Variants in ATXN10 observed in about 807,000 individuals in gnomAD.
The protein encoded by ATXN10 is ataxin 10.
ATXN10 carries 28 observed loss-of-function variants against 52.9 expected under a neutral mutation model. That is an observed-to-expected ratio of 0.53 (90% CI 0.39 to 0.73). The LOEUF is 0.73. Ranked by LOEUF, ATXN10 falls within the 30% of genes least tolerant of loss-of-function variation. The pLI, the probability that ATXN10 is intolerant of heterozygous loss-of-function variation, is 0.00. For missense variants in ATXN10, 565 were observed against 577.0 expected, an observed-to-expected ratio of 0.98 and a Z score of 0.21; for synonymous variants, 226 against 221.5, an observed-to-expected ratio of 1.02 and a Z score of -0.18.
At position 45,672,094 on chromosome 22, in the gene ATXN10, C is replaced by A. The variant is rs551371726; in HGVS notation, c.31C>A (p.Leu11Met). 2.2e-5 allele frequency: 34 copies of A among 1,539,138 alleles called. No homozygotes were observed. The African/African-American group carries it at 4.7e-4, about 21-fold the overall frequency. The change falls in exon 1 of 12, where the codon CTG (leucine) becomes ATG (methionine). Residue 11 changes from leucine (L) to methionine (M), a missense_variant. Leu to Met is a conservative substitution (Grantham distance 15). Coordinates refer to ENST00000252934, the MANE Select transcript of ATXN10 (RefSeq NM_013236.4). ...GGCGCCCAGGCCGCCGCCTGCCAGG[C>A]TGTCGGGCGTCATGGTGCCGGCGCC... Reference protein sequence around the residue: MAAPRPPPARLSGVMVPAPIQ... With the variant: MAAPRPPPARMSGVMVPAPIQ...
chr22:45,779,415 A>C (rs1039717764), intron 9 of ATXN10, among the ~76,000 whole-genome samples: 3 of 152,222 alleles, frequency 2.0e-5, no homozygotes, highest in African/African-American at 7.2e-5. Flanking sequence ...ATAATTCAGA[A>C]GACTAAAGAC....
intron 5 of ATXN10, among the ~76,000 whole-genome samples, chr22:45,714,588 C>T (rs962410955): frequency 2.0e-5 from 3 of 152,028 alleles, no homozygotes; most frequent in African/African-American, 7.2e-5. Context: ...CACTATGTTG[C>T]CCAGGCTGGT....
chr22:45,691,070 G>A (rs562718787), intron 2 of ATXN10, among the ~76,000 whole-genome samples: 150 of 152,284 alleles, frequency 9.9e-4, no homozygotes, highest in Middle Eastern at 3.4e-3. Flanking sequence ...AAAGTGAGTC[G>A]TGTAACTTCA....
intron 9 of ATXN10, among the ~76,000 whole-genome samples, chr22:45,778,350 CT>C (rs776670006): frequency 3.8e-4 from 58 of 152,288 alleles, no homozygotes; most frequent in Non-Finnish European, 7.1e-4. Context: ...TGAACGAATA[CT>C]GGCCTTTATG....
chr22:45,760,818 T>A (rs1232514001), intron 9 of ATXN10, among the ~76,000 whole-genome samples: 7 of 151,926 alleles, frequency 4.6e-5, no homozygotes. Context: ...CCTCTTAGAT[T>A]TTTGTGGATT....
At position 45,696,532 on chromosome 22, in the gene ATXN10, C is replaced by T. The variant is rs747910515; in HGVS notation, c.391+3454C>T. 7.9e-5 allele frequency among the ~76,000 whole-genome samples: 12 copies of T among 152,216 alleles called. No individual in the cohort carries two copies. The highest frequency in any genetic ancestry group is 1.6e-4 in the Non-Finnish European group (11 of 68,040). Reference sequence around the variant, plus strand: ...CCCTCCACCATGTGCTGGATTTCATCGCCACTTGCCCACGCAGAAGCTTTT... The same window carrying T: ...CCCTCCACCATGTGCTGGATTTCATTGCCACTTGCCCACGCAGAAGCTTTT... On this transcript the variant is annotated intron_variant, in intron 3 of 11. Transcript: ENST00000252934. The surrounding 1 kb of genome is among the most constrained non-coding windows in gnomAD (Gnocchi z 4.7).
At position 45,799,215 on chromosome 22, in the gene ATXN10, C is replaced by T. The variant is rs140079300; in HGVS notation, c.1174-7744C>T. 9.7e-3 allele frequency among the ~76,000 whole-genome samples: 1,476 copies of T among 152,048 alleles called. 10 individuals carry two copies. Among genetic ancestry groups the T allele is most frequent in the African/African-American group, 0.026 (1,093 of 41,458 alleles). ...CCTCCCGAGTAGTTGGGATTACAGG[C>T]GCCTGCCACCACGCCCGTCCCAGGA... On this transcript the variant is annotated intron_variant, in intron 9 of 11. Transcript: ENST00000252934.
Position 45,828,532 on chromosome 22 carries a change from A to T in ATXN10, c.1238-14459A>T, listed in dbSNP as rs1016965949. On this transcript the variant is annotated intron_variant, in intron 10 of 11. Transcript: ENST00000252934. This position sits in a 1 kb window ranked among gnomAD's most constrained non-coding sequence, Gnocchi z 4.5. ...TTTTAGCTAGGTGGACTAAGGTAAAAAGACTCAAATTATCAGAAATGAAAG... is the reference window on the plus strand; with the variant it reads ...TTTTAGCTAGGTGGACTAAGGTAAATAGACTCAAATTATCAGAAATGAAAG... Among the ~76,000 whole-genome samples the T allele has an allele frequency of 6.6e-6, 1 of 152,162 alleles. No individual in the cohort carries two copies. Among genetic ancestry groups the T allele is most frequent in the Non-Finnish European group, 1.5e-5 (1 of 68,030 alleles).
intron 5 of ATXN10, among the ~76,000 whole-genome samples, chr22:45,714,801 C>G (rs1190301632): frequency 1.3e-5 from 2 of 152,144 alleles, no homozygotes; most frequent in Admixed American, 6.5e-5. Flanking sequence ...TCTACCAAGG[C>G]TTTCTTCTAG....
At chr22:45,740,231 A>G (rs1925456694) in intron 8 of ATXN10, 138 bp from the exon 9 acceptor site, 1 of 801,946 alleles carries the variant, frequency 1.2e-6, no homozygotes, top group Non-Finnish European at 2.0e-6. Context: ...GAGCCTTGTA[A>G]TCATTATTTA....
chr22:45,691,982 T>C (rs752419892), intron 2 of ATXN10, among the ~76,000 whole-genome samples: 14 of 152,202 alleles, frequency 9.2e-5, no homozygotes, highest in Non-Finnish European at 1.5e-4. Context: ...CCTGGACAGG[T>C]GACTTGGTCT....
Position 45,781,308 on chromosome 22 carries a change from C to G in ATXN10, c.1174-25651C>G, listed in dbSNP as rs976515706. On this transcript the variant is annotated intron_variant, in intron 9 of 11. Transcript: ENST00000252934. The surrounding 1 kb of genome is among the most constrained non-coding windows in gnomAD (Gnocchi z 4.2). Reference sequence around the variant, plus strand: ...GGCAGTAATGAGGCATCCCCCAACCCCTGCCCAGCTGTACTGTCAGCAGAG... The same window carrying G: ...GGCAGTAATGAGGCATCCCCCAACCGCTGCCCAGCTGTACTGTCAGCAGAG... 6.6e-6 allele frequency among the ~76,000 whole-genome samples: 1 copy of G among 152,052 alleles called. No individual in the cohort carries two copies. Among genetic ancestry groups the G allele is most frequent in the Non-Finnish European group, 1.5e-5 (1 of 68,006 alleles).
At chr22:45,673,263 C>T (rs1173063045) in intron 1 of ATXN10, 2 of 152,214 alleles carry the variant, frequency 1.3e-5, no homozygotes, top group Non-Finnish European at 2.9e-5. Flanking sequence ...TACAAGATAA[C>T]ACAGCTGTGG....
rs968922235 is a variant in ATXN10 at position 45,732,030 on chromosome 22, TA to T, written c.894+2444del. On this transcript the variant is annotated intron_variant, in intron 7 of 11. Coordinates refer to ENST00000252934, the MANE Select transcript of ATXN10 (RefSeq NM_013236.4). The surrounding 1 kb of genome is among the most constrained non-coding windows in gnomAD (Gnocchi z 4.5). ...TTAAACTTTTCAGGGCACTTCTGTT[TA>T]AAATATAGGTGATTTCAGTATTGTA... Among the ~76,000 whole-genome samples, 4 of 152,230 alleles carry T rather than the reference TA, an allele frequency of 2.6e-5. No homozygotes were observed. Among genetic ancestry groups the T allele is most frequent in the Admixed American group, 2.6e-4 (4 of 15,284 alleles).
In ATXN10 at chr22:45,825,373, T is replaced by A. The variant is rs1422052462; in HGVS notation, c.1238-17618T>A. ...GAACCAGGCATTAAATACTAGGACA[T>A]TGAAAAATAACTGTATATACAGGGA... is the stretch of plus-strand genomic sequence containing the variant. On this transcript the variant is annotated intron_variant, in intron 10 of 11. Coordinates refer to ENST00000252934, the MANE Select transcript of ATXN10 (RefSeq NM_013236.4). The surrounding 1 kb of genome is among the most constrained non-coding windows in gnomAD (Gnocchi z 4.5). Among the ~76,000 whole-genome samples, 3 of 152,214 alleles carry A rather than the reference T, an allele frequency of 2.0e-5. No individual in the cohort carries two copies. The highest frequency in any genetic ancestry group is 2.1e-4 in the South Asian group (1 of 4,820).
chr22:45,764,247 C>T (rs376878745), intron 9 of ATXN10, among the ~76,000 whole-genome samples: 6 of 152,130 alleles, frequency 3.9e-5, no homozygotes, highest in East Asian at 3.9e-4. Context: ...CCCCCACCCC[C>T]ACTCCCACTC....
Position 45,841,251 on chromosome 22 carries a change from T to C in ATXN10, c.1238-1740T>C, listed in dbSNP as rs889357249. Among the ~76,000 whole-genome samples the C allele has an allele frequency of 2.0e-4, 30 of 152,216 alleles. No individual in the cohort carries two copies. The highest frequency in any genetic ancestry group is 2.0e-3 in the Admixed American group (30 of 15,286). On this transcript the variant is annotated intron_variant, in intron 10 of 11. Coordinates refer to ENST00000252934, the MANE Select transcript of ATXN10 (RefSeq NM_013236.4). This position sits in a 1 kb window ranked among gnomAD's most constrained non-coding sequence, Gnocchi z 5.1. ...GACAGATAAATGACACAATAAGAAC[T>C]TTTTCCCCACCATAGACAGATGACT...
rs925504915 is a variant in ATXN10, at chr22:45,728,624, G to C, written c.729-801G>C. ...CGTACCCTGTCTTCTATAGAAATTAGAATTATACGTATAATCCCAAATCAA... is the reference window on the plus strand; with the variant it reads ...CGTACCCTGTCTTCTATAGAAATTACAATTATACGTATAATCCCAAATCAA... On this transcript the variant is annotated intron_variant, in intron 6 of 11. Coordinates refer to ENST00000252934, the MANE Select transcript of ATXN10 (RefSeq NM_013236.4). This position sits in a 1 kb window ranked among gnomAD's most constrained non-coding sequence, Gnocchi z 4.3. Among the ~76,000 whole-genome samples the C allele has an allele frequency of 6.6e-6, 1 of 152,122 alleles. No homozygotes were observed. Among genetic ancestry groups the C allele is most frequent in the African/African-American group, 2.4e-5 (1 of 41,424 alleles).
rs1927112576 is a variant in ATXN10, at chr22:45,780,528, CT to C, written c.1174-26430del. Among the ~76,000 whole-genome samples the C allele has an allele frequency of 6.6e-6, 1 of 152,210 alleles. No individual in the cohort carries two copies. ...GCCCTGCTGTGGAGTGGATGTGAAC[CT>C]GTGCCAGCCTGTTTCCCCCTCTGTA... On this transcript the variant is annotated intron_variant, in intron 9 of 11. Transcript: ENST00000252934. This position sits in a 1 kb window ranked among gnomAD's most constrained non-coding sequence, Gnocchi z 4.0.
Sources: gnomAD v4.1 joint callset for allele counts (sites outside exome capture counted in the v4.1 genomes callset) on GRCh38, gnomAD v4.1.1 for gene constraint, Gnocchi (gnomAD v3.1) non-coding constraint, MANE v1.5 for transcripts, NCBI Gene and HGNC (gene_info 2026-07-23, HGNC 2026-07-21) for gene names.